FSTL4: variants seen among roughly 807,000 people sequenced by gnomAD.
FSTL4 encodes follistatin-related protein 4.
A neutral mutation model predicts 78.2 loss-of-function variants in FSTL4; 28 were observed. The observed-to-expected ratio is 0.36, with a 90% CI of 0.27 to 0.49. FSTL4 has a LOEUF of 0.49. Ranked by LOEUF, FSTL4 falls within the 20% of genes least tolerant of loss-of-function variation. FSTL4 has a pLI of 0.98. For missense variants in FSTL4, 922 were observed against 1,084.9 expected (o/e 0.85, Z 2.11); for synonymous variants, 422 against 440.5 (o/e 0.96, Z 0.53).
At chr5:133,499,417 G>C (rs933435936) in intron 3 of FSTL4, among the ~76,000 whole-genome samples, 36 of 106,302 alleles carry the variant, frequency 3.4e-4, no homozygotes, top group East Asian at 9.8e-4. Flanking sequence ...CACACACACA[G>C]AGTGTGTGAG....
intron 4 of FSTL4, among the ~76,000 whole-genome samples, chr5:133,397,191 T>C (rs1172962823): frequency 2.0e-5 from 3 of 152,196 alleles, no homozygotes; most frequent in South Asian, 2.1e-4. Context: ...AATACACAAA[T>C]AGGAATGCGA....
chr5:133,771,923 C>G, the FSTL4 span, among the ~76,000 whole-genome samples: 2 of 152,284 alleles, frequency 1.3e-5, no homozygotes, highest in South Asian at 4.1e-4. Context: ...GATCATTATA[C>G]TGTTTTCAAA....
chr5:133,312,694 A>T lies in FSTL4; in HGVS notation c.687T>A (p.Ser229Arg), dbSNP rs1317666168. Residue 229 changes from serine (S) to arginine (R), a missense_variant, in exon 6 of 16, where the codon AGT becomes AGA. Transcript: ENST00000265342. ...ACTCGCGGAGGGTCAGGGAGCTGTC[A>T]CTGTTGTAATCGTCAAATCGGAGGA... Reference protein sequence around the residue: ...GDLLRFDDYNSDSSLTLREFY... With the variant: ...GDLLRFDDYNRDSSLTLREFY... 3.1e-6 allele frequency: 5 copies of T among 1,613,912 alleles called. No homozygotes were observed. The highest frequency in any genetic ancestry group is 4.2e-6 in the Non-Finnish European group (5 of 1,179,884).
chr5:133,536,651 T>C (rs1042717568), intron 3 of FSTL4, among the ~76,000 whole-genome samples: 1 of 152,180 alleles, frequency 6.6e-6, no homozygotes, highest in Non-Finnish European at 1.5e-5. Flanking sequence ...GTATAATTTA[T>C]GTATAATAAT....
chr5:133,753,505 G>A, the FSTL4 span, among the ~76,000 whole-genome samples: 4 of 152,300 alleles, frequency 2.6e-5, no homozygotes, highest in East Asian at 7.7e-4. Context: ...TCGATGAGCT[G>A]GAGAAGATTC....
At chr5:133,447,425 A>G (rs755617395) in intron 3 of FSTL4, among the ~76,000 whole-genome samples, 3 of 152,226 alleles carry the variant, frequency 2.0e-5, no homozygotes, top group Non-Finnish European at 4.4e-5. Context: ...TGGCTGGCAG[A>G]TCAGAAAGAA....
At chr5:133,553,233 G>C (rs1001622423) in intron 3 of FSTL4, among the ~76,000 whole-genome samples, 4 of 152,142 alleles carry the variant, frequency 2.6e-5, no homozygotes, top group African/African-American at 9.7e-5. Context: ...CCTCTTTTCC[G>C]AGGCATGGCA....
intron 6 of FSTL4, among the ~76,000 whole-genome samples, chr5:133,283,219 C>T (rs1581591630): frequency 2.0e-5 from 3 of 151,956 alleles, no homozygotes; most frequent in East Asian, 1.9e-4. Context: ...TCCTGGGGTC[C>T]TCTGGGCCTT....
the FSTL4 span, among the ~76,000 whole-genome samples, chr5:133,822,238 C>T: frequency 1.3e-5 from 2 of 152,210 alleles, no homozygotes; most frequent in African/African-American, 4.8e-5. Context: ...ATTTCCTCTT[C>T]CATTTGTGGA....
At chr5:133,677,879 A>C in the FSTL4 span, among the ~76,000 whole-genome samples, 267 of 152,344 alleles carry the variant, frequency 1.8e-3, no homozygotes, top group Middle Eastern at 0.014. Context: ...AATGCAATAA[A>C]CAAGCCAATA....
upstream of FSTL4, among the ~76,000 whole-genome samples, chr5:133,617,063 G>A (rs544001587): frequency 6.6e-4 from 100 of 152,242 alleles, 1 homozygote; most frequent in African/African-American, 2.3e-3. Flanking sequence ...CTCTTTGGGA[G>A]GCCGAGGCAG....
chr5:133,687,110 G>A, the FSTL4 span, among the ~76,000 whole-genome samples: 1 of 152,196 alleles, frequency 6.6e-6, no homozygotes, highest in African/African-American at 2.4e-5. Flanking sequence ...CTGTGGCCCA[G>A]GGCAAGTGTC....
At chr5:133,803,637 T>C in the FSTL4 span, among the ~76,000 whole-genome samples, 1 of 152,204 alleles carries the variant, frequency 6.6e-6, no homozygotes, top group African/African-American at 2.4e-5. Flanking sequence ...ATGGTCTTTC[T>C]GGGTGGAGTA....
chr5:133,514,704 T>C (rs1758819031), intron 3 of FSTL4, among the ~76,000 whole-genome samples: 1 of 152,098 alleles, frequency 6.6e-6, no homozygotes, highest in Non-Finnish European at 1.5e-5. Flanking sequence ...AAATAAACAT[T>C]TGGATAATGA....
Position 133,338,987 on chromosome 5 carries a change from G to A in FSTL4, c.410-22335C>T, listed in dbSNP as rs919482893. On this transcript the variant is annotated intron_variant, in intron 4 of 15. Transcript: ENST00000265342. This position sits in a 1 kb window ranked among gnomAD's most constrained non-coding sequence, Gnocchi z 4.0. The stretch of plus-strand genomic sequence containing the variant: ...ACCAATCCTCCCCCACTCAGTAGCT[G>A]GAGGAATCTTATGGGGGCTCCCACT... Among the ~76,000 whole-genome samples, 111 of 152,240 alleles carry A rather than the reference G, an allele frequency of 7.3e-4. No individual in the cohort carries two copies. Among genetic ancestry groups the A allele is most frequent in the African/African-American group, 2.6e-3 (108 of 41,536 alleles).
chr5:133,632,889 A>C, the FSTL4 span, among the ~76,000 whole-genome samples: 1 of 151,946 alleles, frequency 6.6e-6, no homozygotes, highest in Admixed American at 6.6e-5. Context: ...GGCTTTCACT[A>C]TGTTGCCCAG....
At chr5:133,739,735 A>T in the FSTL4 span, among the ~76,000 whole-genome samples, 5 of 152,118 alleles carry the variant, frequency 3.3e-5, no homozygotes, top group Admixed American at 2.6e-4. Flanking sequence ...TTAATACACG[A>T]TCTCCTTTAA....
chr5:133,543,484 CAT>C (rs1482794166), intron 3 of FSTL4, among the ~76,000 whole-genome samples: 1 of 152,206 alleles, frequency 6.6e-6, no homozygotes, highest in African/African-American at 2.4e-5. Context: ...TCGGTAAATA[CAT>C]ACTTGGAATA....
In FSTL4 at chr5:133,225,325, A is replaced by G; in HGVS notation, c.1178-41T>C. ...TGCTCAGGGTGGACTGCTCAGCTGG[A>G]GACCCACTCACTTTCCTTTATGGGG... On this transcript the variant is annotated intron_variant, in intron 9 of 15. Coordinates refer to ENST00000265342, the MANE Select transcript of FSTL4 (RefSeq NM_015082.2). The surrounding 1 kb of genome is among the most constrained non-coding windows in gnomAD (Gnocchi z 4.6). The G allele has an allele frequency of 6.2e-7, 1 of 1,612,540 alleles. No individual in the cohort carries two copies.
Sources: allele counts gnomAD v4.1 joint callset (sites outside exome capture counted in the v4.1 genomes callset), GRCh38; gene constraint gnomAD v4.1.1; non-coding constraint Gnocchi (gnomAD v3.1); transcripts MANE v1.5; gene names NCBI Gene and HGNC (gene_info 2026-07-23, HGNC 2026-07-21).